Variants in POLD3 observed in about 807,000 individuals in gnomAD.
POLD3 encodes the protein DNA polymerase delta 3, accessory subunit, also known as DNA polymerase delta subunit 3.
Under a neutral mutation model 58.2 loss-of-function variants are expected in POLD3, and 19 were observed. That is an observed-to-expected ratio of 0.33 (90% CI 0.23 to 0.48). The LOEUF is 0.48. Among genes scored for constraint, POLD3 ranks in the 20% least tolerant of loss-of-function variants. The pLI is 0.99. For synonymous variants in POLD3, 172 were observed against 193.5 expected (o/e 0.89, Z 0.92); for missense variants, 504 against 545.5 (o/e 0.92, Z 0.76).
chr11:74,644,195 A>G (rs964974975), downstream of POLD3, among the ~76,000 whole-genome samples: 21 of 152,230 alleles, frequency 1.4e-4, no homozygotes, highest in Non-Finnish European at 1.2e-4. Context: ...GAGAAGGGCC[A>G]TATAAGGAAA....
At chr11:74,628,697 T>C (rs142710938) in intron 8 of POLD3, among the ~76,000 whole-genome samples, 242 of 152,314 alleles carry the variant, frequency 1.6e-3, no homozygotes, top group East Asian at 0.013. Context: ...TTCCCCTTTC[T>C]ACATGATGAA....
At chr11:74,600,517 C>T (rs905008811) in intron 2 of POLD3, among the ~76,000 whole-genome samples, 2 of 151,678 alleles carry the variant, frequency 1.3e-5, no homozygotes, top group African/African-American at 4.8e-5. Flanking sequence ...TGCCTGTAGT[C>T]CCAGCTACTT....
At chr11:74,630,471 G>A (rs1441144896) in intron 9 of POLD3, among the ~76,000 whole-genome samples, 2 of 152,194 alleles carry the variant, frequency 1.3e-5, no homozygotes, top group East Asian at 1.9e-4. Flanking sequence ...TTCATGCTAT[G>A]TGTTTAGAAT....
In POLD3 at chr11:74,625,566, A is replaced by C; in HGVS notation, c.892A>C (p.Lys298Gln). ...GCCTGTTAAGGTGCTGCAGAAGGAA[A>C]AAAAAAGGTAGGAAAATTTTGTTGC... is the stretch of plus-strand genomic sequence containing the variant. ...AEPVKVLQKE[K>Q]KRGKRVALSD... Residue 298 changes from lysine to glutamine, a missense_variant, in exon 8 of 12, where the codon AAA becomes CAA. By Grantham distance (53) the Lys-to-Gln change is moderately conservative (BLOSUM62 1). Coordinates refer to ENST00000263681, the MANE Select transcript of POLD3 (RefSeq NM_006591.3). The C allele has an allele frequency of 6.2e-7, 1 of 1,600,570 alleles. No individual in the cohort carries two copies. Among genetic ancestry groups the C allele is most frequent in the East Asian group, 2.2e-5 (1 of 44,802 alleles).
In POLD3 at chr11:74,594,080, G is replaced by C; in HGVS notation, c.80G>C (p.Ser27Thr). 1.2e-6 allele frequency: 2 copies of C among 1,605,428 alleles called. No individual in the cohort carries two copies. The highest frequency in any genetic ancestry group is 8.5e-7 in the Non-Finnish European group (1 of 1,172,288). The change falls in exon 2 of 12, where the codon AGC becomes ACC. Residue 27 changes from serine (S) to threonine (T), a missense_variant. Ser to Thr is a moderately conservative substitution (Grantham distance 58, BLOSUM62 1). Transcript: ENST00000263681. Reference sequence around the variant, plus strand: ...TTACAGGTGACATACAAATGGCTGAGCTATACACTAGGGGTTCATGTTAAC... The same window carrying C: ...TTACAGGTGACATACAAATGGCTGACCTATACACTAGGGGTTCATGTTAAC... The part of the protein sequence containing the change: ...QNKIVTYKWL[S>T]YTLGVHVNQA...
At position 74,642,176 on chromosome 11, in the gene POLD3, A is replaced by G. The variant is rs943951479; in HGVS notation, c.*1410A>G. On this transcript the variant is annotated 3_prime_UTR_variant, in exon 12 of 12. Transcript: ENST00000263681. ...TTGGGATTGTGCTGACTTTGGGATTAACATGAGCTTCTTTAGCAACCAAGC... is the reference window on the plus strand; with the variant it reads ...TTGGGATTGTGCTGACTTTGGGATTGACATGAGCTTCTTTAGCAACCAAGC... 15 of 985,494 alleles carry G rather than the reference A, an allele frequency of 1.5e-5. No individual in the cohort carries two copies. Among genetic ancestry groups the G allele is most frequent in the Middle Eastern group, 5.2e-4 (1 of 1,914 alleles). The allele number at this position is 985,494 out of a possible 1,614,324, so 61.0% of individuals were successfully genotyped here.
intron 11 of POLD3, among the ~76,000 whole-genome samples, chr11:74,639,784 TAGC>T (rs2032860701): frequency 6.6e-6 from 1 of 152,240 alleles, no homozygotes; most frequent in South Asian, 2.1e-4. Flanking sequence ...TGAGTTTTAA[TAGC>T]AGGGGAAAAG....
chr11:74,624,337 G>A (rs1425113205), intron 7 of POLD3, among the ~76,000 whole-genome samples: 1 of 152,212 alleles, frequency 6.6e-6, no homozygotes. Context: ...TCCACCATTC[G>A]CATTTTCCAT....
At chr11:74,643,763 G>T (rs1375314907), downstream of POLD3, among the ~76,000 whole-genome samples, 1 of 152,222 alleles carries the variant, frequency 6.6e-6, no homozygotes, top group Non-Finnish European at 1.5e-5. Context: ...TTTAAGAAGA[G>T]TAACAGAAGT....
intron 8 of POLD3, 153 bp downstream of exon 8, chr11:74,625,726 C>G (rs2032411966): frequency 1.7e-6 from 1 of 582,450 alleles, no homozygotes; most frequent in Admixed American, 3.4e-5. Context: ...GAAAGAGAAG[C>G]CCAGTAGCTT....
At position 74,642,923 on chromosome 11, in the gene POLD3, A is replaced by G. The variant is rs1399313995; in HGVS notation, c.*2157A>G. The G allele has an allele frequency of 4.1e-6, 4 of 985,360 alleles. No individual in the cohort carries two copies. Among genetic ancestry groups the G allele is most frequent in the Non-Finnish European group, 4.8e-6 (4 of 829,900 alleles). The allele number at this position is 985,360 out of a possible 1,614,324, so 61.0% of individuals were successfully genotyped here. On this transcript the variant is annotated 3_prime_UTR_variant, in exon 12 of 12. Transcript: ENST00000263681. Reference sequence around the variant, plus strand: ...ACTGGGGAAATGTTAGTTTCAGCCAACCTCATTTTTTAGTTCATCTAGAAG... The same window carrying G: ...ACTGGGGAAATGTTAGTTTCAGCCAGCCTCATTTTTTAGTTCATCTAGAAG...
intron 4 of POLD3, among the ~76,000 whole-genome samples, chr11:74,649,469 T>C (rs569747053): frequency 6.6e-6 from 1 of 152,290 alleles, no homozygotes; most frequent in African/African-American, 2.4e-5. Context: ...TTCTTGCATA[T>C]CATAAGTGAC....
chr11:74,642,785 A>C lies in POLD3; in HGVS notation c.*2019A>C. Reference sequence around the variant, plus strand: ...TTTGATGGATGGTAACAGTGTTGCAATTATTTAAGCTCTGAATGGGAAGAA... The same window carrying C: ...TTTGATGGATGGTAACAGTGTTGCACTTATTTAAGCTCTGAATGGGAAGAA... On this transcript the variant is annotated 3_prime_UTR_variant, in exon 12 of 12. Coordinates refer to ENST00000263681, the MANE Select transcript of POLD3 (RefSeq NM_006591.3). 3.0e-6 allele frequency: 3 copies of C among 985,290 alleles called. No individual in the cohort carries two copies. The highest frequency in any genetic ancestry group is 3.6e-6 in the Non-Finnish European group (3 of 829,818). 61.0% of individuals were successfully genotyped at this position (985,290 alleles called of 1,614,324 possible).
intron 3 of POLD3, among the ~76,000 whole-genome samples, chr11:74,607,244 A>ATTTATT (rs1554974454): frequency 8.1e-5 from 10 of 123,432 alleles, no homozygotes; most frequent in African/African-American, 2.6e-4. Context: ...TTATTATTAT[A>ATTTATT]TATTTATTTA....
At chr11:74,638,584 T>C (rs2032822826) in intron 11 of POLD3, 1 of 455,230 alleles carries the variant, frequency 2.2e-6, no homozygotes, top group Non-Finnish European at 4.4e-6. Flanking sequence ...AAATAACAGC[T>C]CGTAATTTTG....
At chr11:74,635,646 A>G (rs935266786) in intron 10 of POLD3, among the ~76,000 whole-genome samples, 1 of 152,222 alleles carries the variant, frequency 6.6e-6, no homozygotes, top group Non-Finnish European at 1.5e-5. Flanking sequence ...GCACTTCTGC[A>G]TTCCAGCCTG....
At chr11:74,637,445 T>TC (rs2032782616) in intron 11 of POLD3, among the ~76,000 whole-genome samples, 1 of 150,130 alleles carries the variant, frequency 6.7e-6, no homozygotes. Flanking sequence ...CTTTTTTTTT[T>TC]TTTTTTGGCT....
At chr11:74,665,456 A>T (rs1009583896) in intron 4 of POLD3, among the ~76,000 whole-genome samples, 1 of 129,856 alleles carries the variant, frequency 7.7e-6, no homozygotes, top group African/African-American at 3.1e-5. Context: ...GATGGAGTAC[A>T]GTGGCACGAT....
intron 4 of POLD3, among the ~76,000 whole-genome samples, chr11:74,663,831 G>A (rs1323623266): frequency 6.6e-6 from 1 of 152,082 alleles, no homozygotes; most frequent in Non-Finnish European, 1.5e-5. Flanking sequence ...ACCATAGAAT[G>A]TGAGTTAGTT....
Sources: allele counts gnomAD v4.1 joint callset (sites outside exome capture counted in the v4.1 genomes callset), GRCh38; gene constraint gnomAD v4.1.1; transcripts MANE v1.5; gene names NCBI Gene and HGNC (gene_info 2026-07-23, HGNC 2026-07-21).